MBD5: variants seen among roughly 807,000 people sequenced by gnomAD.
The protein encoded by MBD5 is methyl-CpG binding domain protein 5.
MBD5 carries 13 observed loss-of-function variants against 117.3 expected under a neutral mutation model. The observed-to-expected ratio is 0.11, with a 90% CI of 0.07 to 0.18. The LOEUF is 0.18. Among genes scored for constraint, MBD5 ranks in the 10% least tolerant of loss-of-function variants. The pLI is 1.00. For missense variants in MBD5, 1,879 were observed against 2,093.8 expected, an observed-to-expected ratio of 0.90 and a Z score of 2.00; for synonymous variants, 727 against 766.4, an observed-to-expected ratio of 0.95 and a Z score of 0.85.
At chr2:148,446,929 A>T (rs1168716975) in intron 4 of MBD5, among the ~76,000 whole-genome samples, 1 of 152,000 alleles carries the variant, frequency 6.6e-6, no homozygotes, top group African/African-American at 2.4e-5. Context: ...TAATCCAGAA[A>T]AATTTCAGTG....
At chr2:148,138,753 A>C (rs1042326409) in intron 1 of MBD5, among the ~76,000 whole-genome samples, 1 of 152,240 alleles carries the variant, frequency 6.6e-6, no homozygotes, top group Admixed American at 6.5e-5. Flanking sequence ...GTAGGGAAAG[A>C]TAATACTTAG....
At chr2:148,368,139 T>C (rs1292969846) in intron 4 of MBD5, among the ~76,000 whole-genome samples, 1 of 152,166 alleles carries the variant, frequency 6.6e-6, no homozygotes, top group Non-Finnish European at 1.5e-5. Flanking sequence ...TGGGATACTA[T>C]GCAGCCATTA....
At chr2:148,459,590 T>G (rs925941892) in intron 5 of MBD5, among the ~76,000 whole-genome samples, 1 of 152,310 alleles carries the variant, frequency 6.6e-6, no homozygotes, top group Non-Finnish European at 1.5e-5. Flanking sequence ...CATAAATCTT[T>G]CTTGTGATGT....
chr2:148,460,848 A>C (rs1305527753), intron 5 of MBD5, among the ~76,000 whole-genome samples: 3 of 152,148 alleles, frequency 2.0e-5, no homozygotes, highest in Non-Finnish European at 2.9e-5. Context: ...CCGTCCATAT[A>C]CTTTCTTCTA....
intron 1 of MBD5, among the ~76,000 whole-genome samples, chr2:148,142,791 A>G (rs771643754): frequency 2.0e-5 from 3 of 152,204 alleles, no homozygotes; most frequent in South Asian, 2.1e-4. Context: ...GTTTGAACAT[A>G]TAAAAAAAAT....
intron 1 of MBD5, among the ~76,000 whole-genome samples, chr2:148,050,608 T>A (rs1399067037): frequency 6.6e-6 from 1 of 152,182 alleles, no homozygotes; most frequent in South Asian, 2.1e-4. Flanking sequence ...GTTAATTTAA[T>A]AGATTATTGC....
intron 3 of MBD5, among the ~76,000 whole-genome samples, chr2:148,261,711 A>G (rs115442377): frequency 0.011 from 1,687 of 152,354 alleles, 30 homozygotes; most frequent in African/African-American, 0.038. Context: ...ATTTGCTTCA[A>G]TAACTTTTCC....
At chr2:148,180,717 T>C (rs1490594622) in intron 2 of MBD5, among the ~76,000 whole-genome samples, 1 of 151,966 alleles carries the variant, frequency 6.6e-6, no homozygotes, top group East Asian at 1.9e-4. Flanking sequence ...AAAGACCTTT[T>C]ACACAAAGAG....
intron 1 of MBD5, among the ~76,000 whole-genome samples, chr2:148,130,282 G>T (rs1408120204): frequency 6.6e-6 from 1 of 152,084 alleles, no homozygotes; most frequent in East Asian, 1.9e-4. Context: ...TTACATAGCA[G>T]ATTAGAACTA....
At chr2:148,174,108 C>T (rs986735481) in intron 1 of MBD5, among the ~76,000 whole-genome samples, 6 of 152,070 alleles carry the variant, frequency 3.9e-5, no homozygotes, top group Non-Finnish European at 8.8e-5. Flanking sequence ...AAAATGAACA[C>T]ATCCCCAGTG....
At chr2:148,372,363 G>T (rs942592748) in intron 4 of MBD5, among the ~76,000 whole-genome samples, 10 of 151,936 alleles carry the variant, frequency 6.6e-5, no homozygotes, top group African/African-American at 2.4e-4. Flanking sequence ...TATTTCTTCT[G>T]ATTGTTGGGC....
chr2:148,224,869 A>ATTTTGT (rs1699782119), intron 2 of MBD5, among the ~76,000 whole-genome samples: 1 of 152,006 alleles, frequency 6.6e-6, no homozygotes, highest in African/African-American at 2.4e-5. Flanking sequence ...TGTCTGATAA[A>ATTTTGT]AGTATGGCCA....
intron 2 of MBD5, among the ~76,000 whole-genome samples, chr2:148,183,498 A>G (rs1698577252): frequency 6.8e-6 from 1 of 147,876 alleles, no homozygotes; most frequent in African/African-American, 2.5e-5. Flanking sequence ...ATGTTTTCTG[A>G]ATTTATTTTG....
At chr2:148,357,086 GAGA>G (rs887317705) in intron 4 of MBD5, among the ~76,000 whole-genome samples, 5 of 152,174 alleles carry the variant, frequency 3.3e-5, no homozygotes, top group Non-Finnish European at 7.4e-5. Flanking sequence ...GGGGAAAGGA[GAGA>G]AGTAGTGAGT....
At chr2:148,379,724 C>T (rs531580947) in intron 4 of MBD5, among the ~76,000 whole-genome samples, 2 of 151,594 alleles carry the variant, frequency 1.3e-5, no homozygotes, top group Non-Finnish European at 2.9e-5. Flanking sequence ...AAATGTTAGA[C>T]AAAAATTGCA....
intron 1 of MBD5, among the ~76,000 whole-genome samples, chr2:148,144,299 T>C (rs947747198): frequency 2.0e-5 from 3 of 151,852 alleles, no homozygotes; most frequent in African/African-American, 7.3e-5. Flanking sequence ...GGGTTGTTTG[T>C]TTTTTTCTTG....
At chr2:148,160,121 C>T (rs553320586) in intron 1 of MBD5, among the ~76,000 whole-genome samples, 2 of 152,288 alleles carry the variant, frequency 1.3e-5, no homozygotes, top group South Asian at 2.1e-4. Flanking sequence ...CCACAGAGGC[C>T]GGGTGCGGTG....
chr2:148,226,992 A>G (rs532276990), intron 2 of MBD5, among the ~76,000 whole-genome samples: 2 of 151,894 alleles, frequency 1.3e-5, no homozygotes, highest in African/African-American at 4.8e-5. Context: ...TGTTTGAGTT[A>G]ATTGTAGATT....
intron 1 of MBD5, among the ~76,000 whole-genome samples, chr2:148,049,738 G>A (rs574576523): frequency 1.3e-4 from 20 of 152,028 alleles, no homozygotes; most frequent in South Asian, 4.2e-4. Flanking sequence ...TTCCCATATC[G>A]TCTGGCAACT....
Sources: allele counts gnomAD v4.1 joint callset (sites outside exome capture counted in the v4.1 genomes callset), GRCh38; gene constraint gnomAD v4.1.1; transcripts MANE v1.5; gene names NCBI Gene and HGNC (gene_info 2026-07-23, HGNC 2026-07-21).